FGD4: variants seen among roughly 807,000 people sequenced by gnomAD.
The protein encoded by FGD4 is FYVE, RhoGEF and PH domain-containing protein 4.
FGD4 carries 42 observed loss-of-function variants against 102.0 expected under a neutral mutation model. The ratio of observed to expected loss-of-function variants is 0.41; its 90% confidence interval spans 0.32 to 0.53. The LOEUF (loss-of-function observed/expected upper bound fraction) is 0.53, where lower values mean the gene tolerates loss of function less well. Ranked by LOEUF, FGD4 falls within the 20% of genes least tolerant of loss-of-function variation. The probability of loss-of-function intolerance (pLI) is 0.21; values close to 1 mark genes in which losing one functional copy is unlikely to be tolerated. For missense variants in FGD4, 902 were observed against 1,078.2 expected (o/e 0.84, Z 2.29); for synonymous variants, 380 against 375.7 (o/e 1.01, Z -0.13).
At chr12:32,639,046 G>C (rs907789424) in intron 16 of FGD4, 1 of 1,000,216 alleles carries the variant, frequency 1.0e-6, no homozygotes, top group African/African-American at 1.6e-5. Flanking sequence ...GAAAAGATGA[G>C]TTGAATTAGG....
chr12:32,593,280 T>G (rs1280348846), intron 4 of FGD4, among the ~76,000 whole-genome samples: 6 of 152,230 alleles, frequency 3.9e-5, no homozygotes, highest in Admixed American at 3.9e-4. Context: ...GGTGGTATTA[T>G]TATTGCTGTT....
intron 14 of FGD4, 24 bp downstream of exon 14, chr12:32,625,803 A>G (rs1950128162): frequency 1.2e-6 from 2 of 1,613,522 alleles, no homozygotes; most frequent in South Asian, 1.1e-5. Flanking sequence ...CTTGATCATT[A>G]AGGTTGCTAG....
chr12:32,438,196 A>C (rs1288291690), intron 1 of FGD4, among the ~76,000 whole-genome samples: 1 of 152,148 alleles, frequency 6.6e-6, no homozygotes, highest in East Asian at 1.9e-4. Flanking sequence ...CTGGCCAGGA[A>C]TGGTTCTTGA....
chr12:32,582,081 C>A lies in FGD4; in HGVS notation c.625C>A (p.Pro209Thr). 8.1e-6 allele frequency: 13 copies of A among 1,614,188 alleles called. No homozygotes were observed. Among genetic ancestry groups the A allele is most frequent in the Non-Finnish European group, 1.7e-6 (2 of 1,180,048 alleles). Reference protein sequence around the residue: ...PQQKLLSQHLPQRQGNDTDKT... With the variant: ...PQQKLLSQHLTQRQGNDTDKT... ...ACAAAAACTCCTCTCCCAGCACTTGCCACAGAGGCAGGGAAATGATACAGA... is the reference window on the plus strand; with the variant it reads ...ACAAAAACTCCTCTCCCAGCACTTGACACAGAGGCAGGGAAATGATACAGA... The change falls in exon 4 of 17, where the codon CCA becomes ACA. Residue 209 changes from proline to threonine, a missense_variant. Around this residue, in one of 2 missense-constraint regions of FGD4, gnomAD observed 443 missense variants for 459.2 expected, o/e 0.96. Coordinates refer to ENST00000534526, the MANE Select transcript of FGD4 (RefSeq NM_001370298.3).
At chr12:32,529,859 T>TAAA (rs993096878) in intron 1 of FGD4, among the ~76,000 whole-genome samples, 12 of 145,714 alleles carry the variant, frequency 8.2e-5, no homozygotes, top group Non-Finnish European at 1.4e-4. Flanking sequence ...AAAAAAAATT[T>TAAA]AAAAAAAAAA....
chr12:32,621,803 A>G (rs1204040835), intron 11 of FGD4, among the ~76,000 whole-genome samples: 7 of 152,130 alleles, frequency 4.6e-5, no homozygotes, highest in East Asian at 3.9e-4. Context: ...CAAGGGCAGA[A>G]TATATGATGC....
intron 5 of FGD4, 33 bp from the exon 6 acceptor site, chr12:32,601,245 G>A (rs752057624): frequency 1.2e-6 from 2 of 1,604,134 alleles, no homozygotes; most frequent in Non-Finnish European, 1.7e-6. Flanking sequence ...ACCAATAAAT[G>A]TGAAGTAATG....
chr12:32,454,840 C>T (rs2136482895), intron 1 of FGD4, among the ~76,000 whole-genome samples: 1 of 152,252 alleles, frequency 6.6e-6, no homozygotes. Flanking sequence ...TGTTCTTGTT[C>T]TGACAGTGTA....
intron 4 of FGD4, among the ~76,000 whole-genome samples, chr12:32,592,960 T>A (rs1252901316): frequency 6.6e-6 from 1 of 152,218 alleles, no homozygotes; most frequent in African/African-American, 2.4e-5. Context: ...TCTGTCTATT[T>A]ACAGGCACAT....
chr12:32,413,351 A>T (rs1167900298), intron 1 of FGD4, among the ~76,000 whole-genome samples: 1 of 152,208 alleles, frequency 6.6e-6, no homozygotes, highest in South Asian at 2.1e-4. Context: ...TACTCTGCAG[A>T]AAGTTGGCTA....
chr12:32,514,942 C>A (rs1939744152), intron 1 of FGD4, among the ~76,000 whole-genome samples: 1 of 151,706 alleles, frequency 6.6e-6, no homozygotes, highest in African/African-American at 2.4e-5. Flanking sequence ...GTCTTGATAT[C>A]CTGGACTCAA....
intron 14 of FGD4, 58 bp downstream of exon 14, chr12:32,625,837 C>G: frequency 6.2e-7 from 1 of 1,604,802 alleles, no homozygotes; most frequent in African/African-American, 1.3e-5. Flanking sequence ...GATGTAAAGT[C>G]ATCAACTAGG....
chr12:32,417,111 G>A (rs531717700), intron 1 of FGD4, among the ~76,000 whole-genome samples: 1 of 152,032 alleles, frequency 6.6e-6, no homozygotes, highest in Non-Finnish European at 1.5e-5. Context: ...GGTCAGGCTG[G>A]TCTCAAACGC....
At chr12:32,575,247 AT>A (rs1946031330) in intron 2 of FGD4, among the ~76,000 whole-genome samples, 2 of 152,188 alleles carry the variant, frequency 1.3e-5, no homozygotes, top group South Asian at 4.1e-4. Context: ...GAAGAGGCTT[AT>A]TGGGCTCACA....
intron 1 of FGD4, among the ~76,000 whole-genome samples, chr12:32,500,393 TTTTATTTTA>T (rs1203948772): frequency 1.0e-4 from 1 of 9,524 alleles, no homozygotes; most frequent in African/African-American, 3.7e-4. Context: ...TTTATTTTAT[TTTTATTTTA>T]TTTTATTTTA....
At position 32,643,353 on chromosome 12, in the gene FGD4, C is replaced by T. The variant is rs1565946676; in HGVS notation, c.*2820C>T. 1 of 152,276 alleles carries T rather than the reference C, an allele frequency of 6.6e-6. No homozygotes were observed. The highest frequency in any genetic ancestry group is 1.5e-5 in the Non-Finnish European group (1 of 67,904). 9.4% of individuals were successfully genotyped at this position (152,276 alleles called of 1,614,324 possible). ...AATTTAATATGAAGGCCCCTTCCCA[C>T]AAGAATATAGATAATTATTAACTTT... On this transcript the variant is annotated 3_prime_UTR_variant, in exon 17 of 17. Transcript: ENST00000534526.
At chr12:32,623,413 A>C (rs1205973535) in intron 11 of FGD4, among the ~76,000 whole-genome samples, 1 of 152,172 alleles carries the variant, frequency 6.6e-6, no homozygotes, top group African/African-American at 2.4e-5. Context: ...AACAATAAGC[A>C]GAAGCTTCCA....
At chr12:32,400,510 T>C (rs1940612267) in intron 1 of FGD4, among the ~76,000 whole-genome samples, 1 of 152,240 alleles carries the variant, frequency 6.6e-6, no homozygotes, top group Admixed American at 6.5e-5. Flanking sequence ...GCTGTTTTCA[T>C]GTTAATAGGT....
intron 1 of FGD4, among the ~76,000 whole-genome samples, chr12:32,483,019 T>C (rs1202692463): frequency 6.6e-6 from 1 of 152,228 alleles, no homozygotes; most frequent in Admixed American, 6.5e-5. Context: ...TAATTACTGA[T>C]AATTTTATCA....
Sources: gnomAD v4.1 joint callset for allele counts (sites outside exome capture counted in the v4.1 genomes callset) on GRCh38, gnomAD v4.1.1 for gene constraint, gnomAD v4.1.1 regional missense constraint, MANE v1.5 for transcripts, NCBI Gene and HGNC (gene_info 2026-07-23, HGNC 2026-07-21) for gene names.